Variants in TRAPPC13 observed in about 807,000 individuals in gnomAD.
The protein encoded by TRAPPC13 is REV7-interacting novel NHEJ regulator 1.
A neutral mutation model predicts 54.0 loss-of-function variants in TRAPPC13; 39 were observed. The ratio of observed to expected loss-of-function variants is 0.72; its 90% CI spans 0.56 to 0.94. The LOEUF (loss-of-function observed/expected upper bound fraction) is 0.94. TRAPPC13 is among the 40% of genes least tolerant of loss of function. TRAPPC13 has a pLI of 0.00. For synonymous variants in TRAPPC13, 148 were observed against 167.7 expected, an observed-to-expected ratio of 0.88 and a Z score of 0.91; for missense variants, 386 against 488.1, an observed-to-expected ratio of 0.79 and a Z score of 1.97.
chr5:65,643,352 G>T (rs570608147), intron 4 of TRAPPC13, among the ~76,000 whole-genome samples: 41 of 150,846 alleles, frequency 2.7e-4, no homozygotes, highest in Non-Finnish European at 3.4e-4. Flanking sequence ...TAAAGTTAGA[G>T]ATATATATAT....
intron 1 of TRAPPC13, among the ~76,000 whole-genome samples, chr5:65,633,660 T>C (rs1755631614): frequency 6.6e-6 from 1 of 152,102 alleles, no homozygotes; most frequent in Admixed American, 6.5e-5. Flanking sequence ...TAATTTTATG[T>C]TTTTGTTTTT....
intron 1 of TRAPPC13, among the ~76,000 whole-genome samples, chr5:65,632,358 T>C (rs1755580619): frequency 1.3e-5 from 2 of 152,158 alleles, no homozygotes; most frequent in Non-Finnish European, 2.9e-5. Flanking sequence ...TTTCTCTGTT[T>C]TCGTAGTTAA....
At chr5:65,645,523 A>G (rs1756157364) in intron 4 of TRAPPC13, among the ~76,000 whole-genome samples, 1 of 151,908 alleles carries the variant, frequency 6.6e-6, no homozygotes, top group Non-Finnish European at 1.5e-5. Flanking sequence ...ACTGTTTTTT[A>G]GCAGGGCGCG....
intron 1 of TRAPPC13, chr5:65,630,309 T>C: frequency 1.3e-6 from 2 of 1,526,920 alleles, no homozygotes; most frequent in African/African-American, 2.7e-5. Context: ...AATTTATTTG[T>C]GCATAAATAT....
intron 1 of TRAPPC13, chr5:65,629,858 T>C: frequency 6.5e-7 from 1 of 1,536,076 alleles, no homozygotes; most frequent in South Asian, 1.2e-5. Flanking sequence ...AGTAGATCTA[T>C]TGGAGTTTCA....
chr5:65,631,323 G>T (rs1379881296), intron 1 of TRAPPC13, among the ~76,000 whole-genome samples: 2 of 152,172 alleles, frequency 1.3e-5, no homozygotes, highest in Non-Finnish European at 2.9e-5. Flanking sequence ...ATTCTTCATA[G>T]CCTGAGATGG....
At chr5:65,658,931 GC>G (rs1756751261) in intron 9 of TRAPPC13, among the ~76,000 whole-genome samples, 1 of 151,886 alleles carries the variant, frequency 6.6e-6, no homozygotes, top group African/African-American at 2.4e-5. Context: ...TATTGGCCAG[GC>G]TGGTCTTCAG....
intron 10 of TRAPPC13, 61 bp downstream of exon 10, chr5:65,660,958 C>G: frequency 7.1e-7 from 1 of 1,405,474 alleles, no homozygotes; most frequent in Non-Finnish European, 9.6e-7. Flanking sequence ...GTTAGAACAA[C>G]TTAATTTTTT....
At chr5:65,628,709 A>T (rs1470377619) in intron 1 of TRAPPC13, among the ~76,000 whole-genome samples, 1 of 151,976 alleles carries the variant, frequency 6.6e-6, no homozygotes, top group Non-Finnish European at 1.5e-5. Flanking sequence ...TGACCTCGTG[A>T]TCTGCCCGCC....
At chr5:65,659,878 G>A (rs963254658) in intron 9 of TRAPPC13, among the ~76,000 whole-genome samples, 5 of 148,568 alleles carry the variant, frequency 3.4e-5, no homozygotes, top group Non-Finnish European at 7.4e-5. Context: ...CAGGAAAATC[G>A]CTTGAGTCCA....
chr5:65,662,330 G>C, intron 11 of TRAPPC13, 180 bp downstream of exon 11: 1 of 477,186 alleles, frequency 2.1e-6, no homozygotes, highest in Non-Finnish European at 3.7e-6. Flanking sequence ...ATATTTTTAA[G>C]GGCCTATTGT....
chr5:65,661,608 T>C (rs1477369072), intron 10 of TRAPPC13: 3 of 153,068 alleles, frequency 2.0e-5, no homozygotes, highest in Non-Finnish European at 4.4e-5. Flanking sequence ...GCCTTCGTGT[T>C]GTTATAATCC....
At chr5:65,649,257 A>G (rs1756331566) in intron 5 of TRAPPC13, among the ~76,000 whole-genome samples, 1 of 152,028 alleles carries the variant, frequency 6.6e-6, no homozygotes, top group Admixed American at 6.6e-5. Flanking sequence ...ATCTAACACA[A>G]TTGTACAGTG....
chr5:65,657,709 A>G (rs1030767022), intron 8 of TRAPPC13, among the ~76,000 whole-genome samples: 1 of 152,206 alleles, frequency 6.6e-6, no homozygotes, highest in African/African-American at 2.4e-5. Context: ...CAGCTTTAAA[A>G]TCTGTCACTG....
chr5:65,627,129 C>T (rs1373733141), intron 1 of TRAPPC13, among the ~76,000 whole-genome samples: 1 of 18,118 alleles, frequency 5.5e-5, no homozygotes, highest in Non-Finnish European at 1.2e-4. Context: ...GAGACCCTGT[C>T]TCAAAAAAAA....
chr5:65,646,615 G>A (rs1756218783), intron 4 of TRAPPC13, among the ~76,000 whole-genome samples: 1 of 151,908 alleles, frequency 6.6e-6, no homozygotes, highest in South Asian at 2.1e-4. Flanking sequence ...CACATAAAAT[G>A]GTGAAAAAAC....
At chr5:65,643,148 T>C (rs1756032765) in intron 4 of TRAPPC13, among the ~76,000 whole-genome samples, 1 of 152,018 alleles carries the variant, frequency 6.6e-6, no homozygotes, top group African/African-American at 2.4e-5. Flanking sequence ...GAAAAGCTTT[T>C]TAGGGGGAAA....
At chr5:65,648,854 C>T (rs1756306724) in intron 5 of TRAPPC13, among the ~76,000 whole-genome samples, 1 of 151,784 alleles carries the variant, frequency 6.6e-6, no homozygotes, top group Non-Finnish European at 1.5e-5. Flanking sequence ...GGCCATATTG[C>T]TCATAGTTTT....
chr5:65,660,914 C>G lies in TRAPPC13; in HGVS notation c.897+17C>G. Reference sequence around the variant, plus strand: ...CAAAGAATGGTGAGTCTGGAAAAAACTTCGCTGGGGTTTTGGTGTGTGAAA... The same window carrying G: ...CAAAGAATGGTGAGTCTGGAAAAAAGTTCGCTGGGGTTTTGGTGTGTGAAA... On this transcript the variant is annotated intron_variant, in intron 10 of 12. Coordinates refer to ENST00000399438, the MANE Select transcript of TRAPPC13 (RefSeq NM_024941.4). 1 of 1,591,740 alleles carries G rather than the reference C, an allele frequency of 6.3e-7. No individual in the cohort carries two copies. Among genetic ancestry groups the G allele is most frequent in the Non-Finnish European group, 8.6e-7 (1 of 1,169,408 alleles).
Sources: gnomAD v4.1 joint callset for allele counts (sites outside exome capture counted in the v4.1 genomes callset) on GRCh38, gnomAD v4.1.1 for gene constraint, MANE v1.5 for transcripts, NCBI Gene and HGNC (gene_info 2026-07-23, HGNC 2026-07-21) for gene names.